The following PAG1 variants were observed in gnomAD, a reference collection of about 807,000 sequenced individuals.
PAG1 encodes the protein phosphoprotein membrane anchor with glycosphingolipid microdomains 1, also known as phosphoprotein associated with glycosphingolipid-enriched microdomains 1.
A neutral mutation model predicts 31.7 loss-of-function variants in PAG1; 23 were observed. The observed-to-expected ratio is 0.73, with a 90% confidence interval of 0.52 to 1.03. The LOEUF (loss-of-function observed/expected upper bound fraction) is 1.03, where lower values mean the gene tolerates loss of function less well. Among genes scored for constraint, PAG1 ranks in the 50% least tolerant of loss-of-function variants. The probability of loss-of-function intolerance (pLI) is 0.00; values close to 1 mark genes in which losing one functional copy is unlikely to be tolerated. For missense variants in PAG1, 473 were observed against 540.7 expected, an observed-to-expected ratio of 0.87 and a Z score of 1.24; for synonymous variants, 214 against 210.3, an observed-to-expected ratio of 1.02 and a Z score of -0.15.
At chr8:81,098,334 G>A (rs960162919) in intron 1 of PAG1, among the ~76,000 whole-genome samples, 5 of 152,176 alleles carry the variant, frequency 3.3e-5, no homozygotes, top group Non-Finnish European at 5.9e-5. Context: ...TTGGACTGGC[G>A]TCCTACTTCT....
intron 2 of PAG1, among the ~76,000 whole-genome samples, chr8:81,042,533 G>T (rs529117143): frequency 6.6e-6 from 1 of 152,110 alleles, no homozygotes; most frequent in East Asian, 1.9e-4. Context: ...TCATTTGGAG[G>T]TGCTTATCTG....
chr8:81,027,910 A>G (rs1321782833), intron 3 of PAG1, among the ~76,000 whole-genome samples: 1 of 151,256 alleles, frequency 6.6e-6, no homozygotes, highest in African/African-American at 2.4e-5. Flanking sequence ...GTCTCAAAAA[A>G]AAAAAAAAAA....
intron 3 of PAG1, among the ~76,000 whole-genome samples, chr8:81,006,559 GA>G (rs1180084990): frequency 6.6e-6 from 1 of 152,176 alleles, no homozygotes; most frequent in East Asian, 1.9e-4. Flanking sequence ...TCAGAAAACT[GA>G]CCCTCCTTAG....
intron 3 of PAG1, among the ~76,000 whole-genome samples, chr8:81,022,254 A>T (rs1808185249): frequency 6.6e-6 from 1 of 152,230 alleles, no homozygotes; most frequent in Non-Finnish European, 1.5e-5. Context: ...CAATTCAGAA[A>T]AATGTTGCAA....
At chr8:81,040,009 A>T (rs975649657) in intron 2 of PAG1, among the ~76,000 whole-genome samples, 37 of 152,064 alleles carry the variant, frequency 2.4e-4, no homozygotes, top group Admixed American at 2.2e-3. Context: ...TTCCTAGGGA[A>T]TTTTTTTGCT....
At chr8:81,082,184 C>G (rs932060207) in intron 1 of PAG1, among the ~76,000 whole-genome samples, 2 of 140,136 alleles carry the variant, frequency 1.4e-5, no homozygotes, top group African/African-American at 2.7e-5. Flanking sequence ...ACCTAGCAGG[C>G]AGAGGTTGCA....
At chr8:80,977,155 C>T (rs1026766286) in intron 8 of PAG1, among the ~76,000 whole-genome samples, 2 of 152,110 alleles carry the variant, frequency 1.3e-5, no homozygotes, top group African/African-American at 2.4e-5. Context: ...TTGGGTCTGC[C>T]GAGGAATTTG....
chr8:81,110,635 A>G (rs999100071), intron 1 of PAG1, among the ~76,000 whole-genome samples: 5 of 152,224 alleles, frequency 3.3e-5, no homozygotes, highest in Admixed American at 3.3e-4. Flanking sequence ...TTTCTAAAAC[A>G]AAGGGGATGT....
intron 1 of PAG1, among the ~76,000 whole-genome samples, chr8:81,092,289 C>A (rs960284247): frequency 2.7e-5 from 4 of 149,988 alleles, no homozygotes; most frequent in African/African-American, 7.4e-5. Context: ...GGCGCTGAGG[C>A]GGGAGGATTG....
intron 2 of PAG1, among the ~76,000 whole-genome samples, chr8:81,042,499 G>T (rs568678660): frequency 2.6e-4 from 39 of 152,068 alleles, no homozygotes; most frequent in Non-Finnish European, 5.1e-4. Flanking sequence ...TGATAATTTT[G>T]GCAGAAAATC....
chr8:81,034,355 AT>A (rs1487546773), intron 2 of PAG1, among the ~76,000 whole-genome samples: 1 of 152,232 alleles, frequency 6.6e-6, no homozygotes, highest in Non-Finnish European at 1.5e-5. Context: ...TGTTGCTATA[AT>A]AAAACCTCTC....
chr8:81,031,358 T>G (rs1349130120), intron 2 of PAG1, among the ~76,000 whole-genome samples: 3 of 152,240 alleles, frequency 2.0e-5, no homozygotes, highest in African/African-American at 7.2e-5. Flanking sequence ...AGACAGAGCT[T>G]CGCTGGGTGC....
intron 1 of PAG1, among the ~76,000 whole-genome samples, chr8:81,108,381 C>G (rs1361372409): frequency 6.6e-6 from 1 of 152,092 alleles, no homozygotes. Context: ...GTATTGTGTC[C>G]CCAGGCACAT....
chr8:81,049,365 G>A (rs1195990179), intron 2 of PAG1, among the ~76,000 whole-genome samples: 1 of 152,066 alleles, frequency 6.6e-6, no homozygotes. Flanking sequence ...CTATTCACAT[G>A]TACACAAAAA....
intron 1 of PAG1, among the ~76,000 whole-genome samples, chr8:81,094,467 A>G (rs1198985970): frequency 1.3e-5 from 2 of 152,188 alleles, no homozygotes; most frequent in African/African-American, 4.8e-5. Context: ...ATTCATGGCA[A>G]CTGAAAGCAT....
rs201749191 is a variant in PAG1, at chr8:81,055,529, T to A, written c.-175+14583A>T. On this transcript the variant is annotated intron_variant, in intron 2 of 8. Coordinates refer to ENST00000220597, the MANE Select transcript of PAG1 (RefSeq NM_018440.4). ...GTAGCTTGATGGGGATGGCATTGAA[T>A]CTATAAGTTACCTTGGGCAGTATGG... Among the ~76,000 whole-genome samples the A allele has an allele frequency of 3.2e-3, 488 of 152,200 alleles. 13 individuals carry two copies. In the East Asian group the frequency reaches 0.079, roughly 25 times the overall value.
chr8:81,023,765 TA>T (rs1295587683), intron 3 of PAG1, among the ~76,000 whole-genome samples: 2 of 152,156 alleles, frequency 1.3e-5, no homozygotes, highest in Non-Finnish European at 2.9e-5. Context: ...TAGACTAATA[TA>T]AAACTCCACA....
chr8:81,014,356 T>A (rs896098775), intron 3 of PAG1, among the ~76,000 whole-genome samples: 11 of 152,206 alleles, frequency 7.2e-5, no homozygotes, highest in Non-Finnish European at 1.6e-4. Context: ...ACATGGCCCA[T>A]AAAACATTAC....
intron 2 of PAG1, among the ~76,000 whole-genome samples, chr8:81,050,591 T>A (rs537080375): frequency 3.3e-5 from 5 of 151,874 alleles, no homozygotes; most frequent in South Asian, 2.1e-4. Context: ...AAAAAAAAAA[T>A]GGTACTCACA....
Sources: gnomAD v4.1 joint callset for allele counts (sites outside exome capture counted in the v4.1 genomes callset) on GRCh38, gnomAD v4.1.1 for gene constraint, MANE v1.5 for transcripts, NCBI Gene and HGNC (gene_info 2026-07-23, HGNC 2026-07-21) for gene names.